The following C3orf70 variants were observed in gnomAD, a reference collection of about 807,000 sequenced individuals.
C3orf70 encodes UPF0524 protein C3orf70.
In C3orf70, 15 loss-of-function variants were observed where a neutral mutation model predicts 20.7. The ratio of observed to expected loss-of-function variants is 0.72; its 90% confidence interval spans 0.48 to 1.11. The LOEUF is 1.11. Ranked by LOEUF, C3orf70 falls within the 50% of genes most tolerant of loss-of-function variation. The pLI is 0.00. For missense variants in C3orf70, 332 were observed against 317.6 expected, an observed-to-expected ratio of 1.05 and a Z score of -0.34; for synonymous variants, 161 against 125.7, an observed-to-expected ratio of 1.28 and a Z score of -1.88.
At chr3:185,127,258 G>C (rs1410208060) in intron 1 of C3orf70, among the ~76,000 whole-genome samples, 3 of 151,964 alleles carry the variant, frequency 2.0e-5, no homozygotes. Context: ...TTAAAGACTG[G>C]GCCTAAAAAT....
chr3:185,083,053 G>A lies in C3orf70; in HGVS notation c.707C>T (p.Ser236Leu), dbSNP rs201783027. The A allele has an allele frequency of 5.1e-5, 83 of 1,614,030 alleles. 1 individual carries two copies. The highest frequency in any genetic ancestry group is 1.1e-4 in the East Asian group (5 of 44,896). ...EPDECTLLSP[S>L]QSDLEVIETI... Reference sequence around the variant, plus strand: ...TTCAATCACTTCCAGGTCAGACTGCGAGGGGGAGAGAAGGGTGCACTCATC... The same window carrying A: ...TTCAATCACTTCCAGGTCAGACTGCAAGGGGGAGAGAAGGGTGCACTCATC... The change falls in exon 2 of 2, where the codon TCG becomes TTG. Residue 236 changes from serine (S) to leucine (L), a missense_variant. Transcript: ENST00000335012.
At chr3:185,094,806 A>G (rs1401236679) in intron 1 of C3orf70, among the ~76,000 whole-genome samples, 2 of 152,192 alleles carry the variant, frequency 1.3e-5, no homozygotes, top group Non-Finnish European at 2.9e-5. Context: ...AGCTGAATAC[A>G]GTTATTGGTT....
intron 1 of C3orf70, among the ~76,000 whole-genome samples, chr3:185,093,303 C>G (rs956672829): frequency 2.0e-5 from 3 of 152,168 alleles, no homozygotes; most frequent in Admixed American, 6.5e-5. Context: ...ACCCTGAGAC[C>G]AGCCTTAAAA....
At chr3:185,131,358 T>C (rs1267815795) in intron 1 of C3orf70, among the ~76,000 whole-genome samples, 1 of 152,216 alleles carries the variant, frequency 6.6e-6, no homozygotes, top group East Asian at 1.9e-4. Flanking sequence ...TGCTTACCAC[T>C]CAACAAAAAG....
At chr3:185,124,339 T>C (rs1396400656) in intron 1 of C3orf70, among the ~76,000 whole-genome samples, 1 of 152,186 alleles carries the variant, frequency 6.6e-6, no homozygotes, top group African/African-American at 2.4e-5. Flanking sequence ...ATAGAGAAGC[T>C]GATTCTAAAA....
intron 1 of C3orf70, among the ~76,000 whole-genome samples, chr3:185,126,798 C>T (rs1017061735): frequency 1.3e-5 from 2 of 152,156 alleles, no homozygotes; most frequent in African/African-American, 4.8e-5. Flanking sequence ...AAGAGTGGGA[C>T]CTCTCCAATC....
chr3:185,087,993 C>T (rs1455411146), intron 1 of C3orf70, among the ~76,000 whole-genome samples: 1 of 151,144 alleles, frequency 6.6e-6, no homozygotes, highest in African/African-American at 2.4e-5. Flanking sequence ...CTCGCCGCAA[C>T]CTCCGCCTCC....
chr3:185,091,959 ATATATTTTTTTTT>A lies in C3orf70; in HGVS notation c.197-8409_197-8397del, dbSNP rs1561331131. Among the ~76,000 whole-genome samples the A allele has an allele frequency of 5.7e-4, 4 of 7,032 alleles. 2 individuals are homozygous for A. The highest frequency in any genetic ancestry group is 2.8e-3 in the African/African-American group (4 of 1,410). The allele number at this position is 7,032 out of a possible 152,430, so 4.6% of individuals were successfully genotyped here. On this transcript the variant is annotated intron_variant, in intron 1 of 1. Coordinates refer to ENST00000335012, the MANE Select transcript of C3orf70 (RefSeq NM_001025266.3). ...TATATATATATATATATATATATAT[ATATATTTTTTTTT>A]TTTTTTAGTAGAGACAGGGTTTCAC...
chr3:185,122,605 G>A (rs145396200), intron 1 of C3orf70, among the ~76,000 whole-genome samples: 19 of 152,292 alleles, frequency 1.2e-4, no homozygotes, highest in Non-Finnish European at 1.5e-4. Context: ...ATGGGCTTAT[G>A]GACTTCCCAT....
In C3orf70 at chr3:185,080,988, C is replaced by G. The variant is rs1715323480; in HGVS notation, c.*2019G>C. The G allele has an allele frequency of 6.6e-6, 1 of 152,164 alleles. No homozygotes were observed. Among genetic ancestry groups the G allele is most frequent in the South Asian group, 2.1e-4 (1 of 4,828 alleles). The allele number at this position is 152,164 out of a possible 1,614,324, so 9.4% of individuals were successfully genotyped here. ...TCTGCCTTCTAAACCATATAGATGTCTTGGCCATCTAAACCTAAAAAAAAG... is the reference window on the plus strand; with the variant it reads ...TCTGCCTTCTAAACCATATAGATGTGTTGGCCATCTAAACCTAAAAAAAAG... On this transcript the variant is annotated 3_prime_UTR_variant, in exon 2 of 2. Coordinates refer to ENST00000335012, the MANE Select transcript of C3orf70 (RefSeq NM_001025266.3).
chr3:185,083,618 T>C, intron 1 of C3orf70, 55 bp from the exon 2 acceptor site: 2 of 1,433,094 alleles, frequency 1.4e-6, no homozygotes, highest in Non-Finnish European at 1.9e-6. Flanking sequence ...TATATTAACA[T>C]GGCCATAATG....
chr3:185,125,430 A>G (rs1357188401), intron 1 of C3orf70, among the ~76,000 whole-genome samples: 3 of 140,208 alleles, frequency 2.1e-5, no homozygotes, highest in Non-Finnish European at 4.7e-5. Context: ...CAACAACAAC[A>G]AAAACCAGTT....
chr3:185,121,708 A>G (rs1383958189), intron 1 of C3orf70, among the ~76,000 whole-genome samples: 1 of 152,220 alleles, frequency 6.6e-6, no homozygotes, highest in Non-Finnish European at 1.5e-5. Context: ...CAGGACAATC[A>G]AAGAAAGCCA....
At position 185,144,201 on chromosome 3, in the gene C3orf70, C is replaced by T. The variant is rs540369180; in HGVS notation, c.196+8427G>A. On this transcript the variant is annotated intron_variant, in intron 1 of 1. Coordinates refer to ENST00000335012, the MANE Select transcript of C3orf70 (RefSeq NM_001025266.3). ...TTTGAGGAAGGGGGAAAACAATTGC[C>T]GACTTTGACAATCACAACACCAAGA... is the stretch of plus-strand genomic sequence containing the variant. Among the ~76,000 whole-genome samples, 11 of 152,188 alleles carry T rather than the reference C, an allele frequency of 7.2e-5. No homozygotes were observed. In the East Asian group the frequency reaches 1.5e-3, roughly 21 times the overall value.
At chr3:185,102,620 A>G (rs1715844507) in intron 1 of C3orf70, among the ~76,000 whole-genome samples, 1 of 152,242 alleles carries the variant, frequency 6.6e-6, no homozygotes, top group Admixed American at 6.5e-5. Flanking sequence ...AGCAAAAAGA[A>G]CAAAGCTGGA....
chr3:185,139,863 T>C (rs545876804), intron 1 of C3orf70, among the ~76,000 whole-genome samples: 81 of 151,850 alleles, frequency 5.3e-4, no homozygotes, highest in Non-Finnish European at 9.0e-4. Context: ...AACTTAAAAC[T>C]ATAAAAATTT....
chr3:185,085,674 A>G (rs1445754026), intron 1 of C3orf70, among the ~76,000 whole-genome samples: 1 of 143,150 alleles, frequency 7.0e-6, no homozygotes, highest in African/African-American at 2.7e-5. Context: ...AAAGGTAATT[A>G]CTACTTGTCA....
At chr3:185,139,488 G>A (rs1716700980) in intron 1 of C3orf70, among the ~76,000 whole-genome samples, 1 of 151,346 alleles carries the variant, frequency 6.6e-6, no homozygotes, top group Non-Finnish European at 1.5e-5. Flanking sequence ...AGGAGGCAGA[G>A]GTTGCAGTCA....
At chr3:185,101,194 T>A (rs1715815994) in intron 1 of C3orf70, among the ~76,000 whole-genome samples, 1 of 152,136 alleles carries the variant, frequency 6.6e-6, no homozygotes, top group Non-Finnish European at 1.5e-5. Context: ...GAGGCCAGCA[T>A]CATCCTGATA....
Sources: allele counts gnomAD v4.1 joint callset (sites outside exome capture counted in the v4.1 genomes callset), GRCh38; gene constraint gnomAD v4.1.1; transcripts MANE v1.5; gene names NCBI Gene and HGNC (gene_info 2026-07-23, HGNC 2026-07-21).